Variants in ABCA3 observed in about 807,000 individuals in gnomAD.
ABCA3 encodes the protein phospholipid-transporting ATPase ABCA3.
In ABCA3, 88 loss-of-function variants were observed where a neutral mutation model predicts 172.8. The observed-to-expected ratio is 0.51, with a 90% confidence interval of 0.43 to 0.61. The LOEUF (loss-of-function observed/expected upper bound fraction) is 0.61. Ranked by LOEUF, ABCA3 falls within the 20% of genes least tolerant of loss-of-function variation. The probability of loss-of-function intolerance (pLI) is 0.00; values close to 1 mark genes in which losing one functional copy is unlikely to be tolerated. For missense variants in ABCA3, 2,164 were observed against 2,301.0 expected (o/e 0.94, Z 1.22); for synonymous variants, 1,066 against 983.8 (o/e 1.08, Z -1.56).
chr16:2,297,914 C>T lies in ABCA3; in HGVS notation c.1904G>A (p.Gly635Asp), dbSNP rs2093682614. Residue 635 changes from glycine to aspartate, a missense_variant, in exon 16 of 33, where the codon GGC becomes GAC. Around this residue, in one of 3 missense-constraint regions of ABCA3, gnomAD observed 1,343 missense variants for 1,369.6 expected, o/e 0.98. Coordinates refer to ENST00000301732, the MANE Select transcript of ABCA3 (RefSeq NM_001089.3). This position sits in a 1 kb window ranked among gnomAD's most constrained non-coding sequence, Gnocchi z 5.6. Reference sequence around the variant, plus strand: ...TTCAGGGCACTTCTGACGTGACAGGCCCTTCAGCTGCAACGACAGGGGACG... The same window carrying T: ...TTCAGGGCACTTCTGACGTGACAGGTCCTTCAGCTGCAACGACAGGGGACG... ...EHLYFYAQLK[G>D]LSRQKCPEEV... 1 of 1,613,670 alleles carries T rather than the reference C, an allele frequency of 6.2e-7. No homozygotes were observed. The highest frequency in any genetic ancestry group is 1.3e-5 in the African/African-American group (1 of 75,050).
At position 2,300,115 on chromosome 16, in the gene ABCA3, C is replaced by A. The variant is rs765737782; in HGVS notation, c.1501G>T (p.Ala501Ser). The A allele has an allele frequency of 6.2e-7, 1 of 1,613,662 alleles. No homozygotes were observed. The highest frequency in any genetic ancestry group is 8.5e-7 in the Non-Finnish European group (1 of 1,179,948). ...SYWCGKPRAV[A>S]GKEEEDSDPE... ...TCACTGTCTTCTTCCTCCTTCCCTGCAACCGCCCTTGGCTTCCCACACCAA... is the reference window on the plus strand; with the variant it reads ...TCACTGTCTTCTTCCTCCTTCCCTGAAACCGCCCTTGGCTTCCCACACCAA... Residue 501 changes from alanine to serine, a missense_variant, in exon 13 of 33, where the codon GCA becomes TCA. Transcript: ENST00000301732.
chr16:2,311,844 A>C lies in ABCA3; in HGVS notation c.1112-3221T>G, dbSNP rs2093707203. ...CTAATTTTTTGTATTTTTAGTAGAG[A>C]CAGGGTTTCACCATGTTGTCCAGGC... On this transcript the variant is annotated intron_variant, in intron 10 of 32. Transcript: ENST00000301732. Among the ~76,000 whole-genome samples, 4 of 151,940 alleles carry C rather than the reference A, an allele frequency of 2.6e-5. No homozygotes were observed. The South Asian group carries it at 8.3e-4, about 32-fold the overall frequency.
chr16:2,296,019 G>A (rs1032788309), intron 17 of ABCA3, among the ~76,000 whole-genome samples: 2 of 152,224 alleles, frequency 1.3e-5, no homozygotes, highest in African/African-American at 4.8e-5. Context: ...AGCTATACAA[G>A]CACCAGGGAA....
At chr16:2,299,360 G>C (rs1031302688) in intron 14 of ABCA3, 43 bp downstream of exon 14, 1 of 1,611,020 alleles carries the variant, frequency 6.2e-7, no homozygotes, top group East Asian at 2.2e-5. Context: ...GGTGTTAAAG[G>C]GGGGCCTGCT....
At chr16:2,309,651 T>G (rs543114160) in intron 10 of ABCA3, among the ~76,000 whole-genome samples, 81 of 152,288 alleles carry the variant, frequency 5.3e-4, no homozygotes, top group African/African-American at 1.8e-3. Flanking sequence ...CGAGTCCCCC[T>G]CTGTCACCTA....
chr16:2,300,997 G>A (rs6600187), intron 12 of ABCA3, among the ~76,000 whole-genome samples: 117,313 of 150,396 alleles, frequency 0.78, 46,150 homozygotes, highest in East Asian at 0.97. Context: ...TTGGGAGGCC[G>A]AGGCGGGCGG....
At chr16:2,296,048 CG>C (rs2093679283) in intron 17 of ABCA3, among the ~76,000 whole-genome samples, 1 of 152,114 alleles carries the variant, frequency 6.6e-6, no homozygotes, top group Non-Finnish European at 1.5e-5. Context: ...TCAGCAGCGA[CG>C]GACCACGTGT....
At chr16:2,337,391 T>C (rs2093753566) in intron 1 of ABCA3, among the ~76,000 whole-genome samples, 1 of 150,216 alleles carries the variant, frequency 6.7e-6, no homozygotes, top group African/African-American at 2.5e-5. Context: ...TTTTTTTTCA[T>C]GCAGGGTCTC....
chr16:2,319,889 C>A, intron 7 of ABCA3, 49 bp from the exon 8 acceptor site: 1 of 1,609,602 alleles, frequency 6.2e-7, no homozygotes, highest in South Asian at 1.1e-5. Context: ...GAGCTGCTCT[C>A]GAGGGCAGAG....
intron 17 of ABCA3, among the ~76,000 whole-genome samples, chr16:2,296,326 G>T (rs959390712): frequency 6.6e-6 from 1 of 151,922 alleles, no homozygotes. Flanking sequence ...TCCCTCCTTG[G>T]TTCAAGTACT....
chr16:2,320,405 T>A (rs1483138828), intron 7 of ABCA3, among the ~76,000 whole-genome samples: 6 of 150,180 alleles, frequency 4.0e-5, no homozygotes, highest in Non-Finnish European at 3.0e-5. Context: ...GCCTTTTTTT[T>A]TTTTGAGACA....
At chr16:2,314,985 C>T (rs989568286) in intron 10 of ABCA3, among the ~76,000 whole-genome samples, 1 of 150,648 alleles carries the variant, frequency 6.6e-6, no homozygotes, top group African/African-American at 2.4e-5. Flanking sequence ...TCAAGCGATG[C>T]TCCTGCCTCA....
At chr16:2,332,808 T>A (rs2093745574) in intron 1 of ABCA3, 1 of 624,812 alleles carries the variant, frequency 1.6e-6, no homozygotes, top group African/African-American at 1.9e-5. Context: ...ACCCAATTCC[T>A]ATGTGCCCTT....
chr16:2,292,929 C>T (rs191857368), intron 18 of ABCA3, among the ~76,000 whole-genome samples: 7 of 152,038 alleles, frequency 4.6e-5, no homozygotes, highest in African/African-American at 1.4e-4. Context: ...GACTCCAGCC[C>T]GGGCAACAGA....
In ABCA3 at chr16:2,286,502, C is replaced by A. The variant is rs1054525595; in HGVS notation, c.3278+192G>T. Among the ~76,000 whole-genome samples the A allele has an allele frequency of 3.9e-5, 6 of 152,076 alleles. No homozygotes were observed. The highest frequency in any genetic ancestry group is 8.8e-5 in the Non-Finnish European group (6 of 68,022). ...TGAGGACCGCAGTGCATGGGATGGC[C>A]CACAGCTGATCTGCTGTCACAGGGA... On this transcript the variant is annotated intron_variant, in intron 22 of 32. Coordinates refer to ENST00000301732, the MANE Select transcript of ABCA3 (RefSeq NM_001089.3). This position sits in a 1 kb window ranked among gnomAD's most constrained non-coding sequence, Gnocchi z 5.2.
chr16:2,313,534 C>T (rs574366756), intron 10 of ABCA3, among the ~76,000 whole-genome samples: 60 of 110,612 alleles, frequency 5.4e-4, no homozygotes, highest in Non-Finnish European at 8.6e-4. Context: ...GCCTAGGCAA[C>T]AGAGTGAGAC....
rs1335579648 is a variant in ABCA3, at chr16:2,297,486, G to A, written c.2106C>T (p.Ala702=). 5 of 1,613,492 alleles carry A rather than the reference G, an allele frequency of 3.1e-6. No homozygotes were observed. The highest frequency in any genetic ancestry group is 4.5e-5 in the East Asian group (2 of 44,868). Residue 702 remains alanine, a synonymous_variant, in exon 17 of 33, where the codon GCC becomes GCT. Transcript: ENST00000301732. The surrounding 1 kb of genome is among the most constrained non-coding windows in gnomAD (Gnocchi z 5.6). ...TCTGCCGCTGAAGAAGATCCCAGATGGCCCTCCTGGAGATGGCGTCCATGC... is the reference window on the plus strand; with the variant it reads ...TCTGCCGCTGAAGAAGATCCCAGATAGCCCTCCTGGAGATGGCGTCCATGC... ...TSGMDAISRR[A]IWDLLQRQKS... is the part of the protein sequence containing the mutation.
At chr16:2,337,887 G>C (rs1401133573) in intron 1 of ABCA3, among the ~76,000 whole-genome samples, 1 of 152,226 alleles carries the variant, frequency 6.6e-6, no homozygotes, top group Non-Finnish European at 1.5e-5. Context: ...GCCTCCCTAG[G>C]ATCACAGGCT....
At position 2,283,496 on chromosome 16, in the gene ABCA3, A is replaced by C; in HGVS notation, c.3863-138T>G. ...CCCTCCATGGGGAGATGTGAAGGCC[A>C]GTAGGTCACAGCTGCCTCTCGAGGC... On this transcript the variant is annotated intron_variant, in intron 25 of 32. Transcript: ENST00000301732. This position sits in a 1 kb window ranked among gnomAD's most constrained non-coding sequence, Gnocchi z 5.4. 1 of 964,918 alleles carries C rather than the reference A, an allele frequency of 1.0e-6. No individual in the cohort carries two copies. The highest frequency in any genetic ancestry group is 1.5e-6 in the Non-Finnish European group (1 of 658,610). The allele number at this position is 964,918 out of a possible 1,614,324, so 59.8% of individuals were successfully genotyped here.
Sources: allele counts gnomAD v4.1 joint callset (sites outside exome capture counted in the v4.1 genomes callset), GRCh38; gene constraint gnomAD v4.1.1; regional missense constraint gnomAD v4.1.1; non-coding constraint Gnocchi (gnomAD v3.1); transcripts MANE v1.5; gene names NCBI Gene and HGNC (gene_info 2026-07-23, HGNC 2026-07-21).